The following RFX3 variants were observed in gnomAD, a reference collection of about 807,000 sequenced individuals.
The protein encoded by RFX3 is regulatory factor X3.
In RFX3, 14 loss-of-function variants were observed where a neutral mutation model predicts 98.6. The observed-to-expected ratio is 0.14, with a 90% CI of 0.09 to 0.22. The LOEUF (loss-of-function observed/expected upper bound fraction) is 0.22. RFX3 is among the 10% of genes least tolerant of loss of function. The probability of loss-of-function intolerance (pLI) is 1.00; values close to 1 mark genes in which losing one functional copy is unlikely to be tolerated. For missense variants in RFX3, 639 were observed against 926.9 expected, an observed-to-expected ratio of 0.69 and a Z score of 4.03; for synonymous variants, 383 against 328.4, an observed-to-expected ratio of 1.17 and a Z score of -1.80.
intron 1 of RFX3, among the ~76,000 whole-genome samples, chr9:3,411,537 C>T (rs180672411): frequency 1.3e-5 from 2 of 151,812 alleles, no homozygotes; most frequent in African/African-American, 4.8e-5. Context: ...TTAGTAGAGA[C>T]AGGGTTTCAG....
At chr9:3,264,869 A>G (rs1823408690) in intron 12 of RFX3, among the ~76,000 whole-genome samples, 1 of 152,230 alleles carries the variant, frequency 6.6e-6, no homozygotes, top group South Asian at 2.1e-4. Context: ...GAGATGGCCA[A>G]CGTTGCAATT....
chr9:3,432,239 A>G (rs1844718812), intron 1 of RFX3, among the ~76,000 whole-genome samples: 2 of 152,172 alleles, frequency 1.3e-5, no homozygotes, highest in South Asian at 4.1e-4. Flanking sequence ...CCAGAACCCC[A>G]TGAGTTCAGT....
Position 3,220,640 on chromosome 9 carries a change from C to CT in RFX3, c.*4401_*4402insA, listed in dbSNP as rs1021277007. 1.3e-5 allele frequency: 2 copies of CT among 151,308 alleles called. No individual in the cohort carries two copies. The highest frequency in any genetic ancestry group is 3.0e-5 in the Non-Finnish European group (2 of 67,724). 9.4% of individuals were successfully genotyped at this position (151,308 alleles called of 1,614,324 possible). ...GTGGAAACACTTTCTCTTCCTACCC[C>CT]CCCCTTTAAAAAAACAGCATAATTA... On this transcript the variant is annotated 3_prime_UTR_variant, in exon 17 of 17. Coordinates refer to ENST00000617270, the MANE Select transcript of RFX3 (RefSeq NM_001282116.2).
At chr9:3,501,993 T>A (rs2133665752) in intron 1 of RFX3, among the ~76,000 whole-genome samples, 1 of 152,048 alleles carries the variant, frequency 6.6e-6, no homozygotes, top group East Asian at 1.9e-4. Flanking sequence ...GGCTCACGCC[T>A]GTAATCCCAG....
chr9:3,340,319 A>G (rs1191677297), intron 3 of RFX3, among the ~76,000 whole-genome samples: 1 of 152,208 alleles, frequency 6.6e-6, no homozygotes, highest in African/African-American at 2.4e-5. Context: ...AACCTGGGCA[A>G]TACCATTCAG....
chr9:3,329,159 C>A (rs1016888645), intron 4 of RFX3, among the ~76,000 whole-genome samples: 1 of 152,066 alleles, frequency 6.6e-6, no homozygotes, highest in Admixed American at 6.5e-5. Flanking sequence ...GTAATCCCAG[C>A]ACTTTGGGAG....
At chr9:3,380,171 C>G (rs990473331) in intron 2 of RFX3, among the ~76,000 whole-genome samples, 2 of 152,116 alleles carry the variant, frequency 1.3e-5, no homozygotes, top group African/African-American at 4.8e-5. Context: ...AGGTGATCCA[C>G]CAGCCTCAGC....
intron 1 of RFX3, among the ~76,000 whole-genome samples, chr9:3,495,259 G>A (rs1031722555): frequency 6.6e-6 from 1 of 151,922 alleles, no homozygotes; most frequent in Non-Finnish European, 1.5e-5. Flanking sequence ...TGAAGCTAAT[G>A]TATGAATCGT....
At chr9:3,387,057 T>C (rs1480806569) in intron 2 of RFX3, among the ~76,000 whole-genome samples, 2 of 152,152 alleles carry the variant, frequency 1.3e-5, no homozygotes, top group African/African-American at 2.4e-5. Context: ...TTTCATGCTT[T>C]CCTTTACCAG....
chr9:3,506,209 T>G (rs1373321411), intron 1 of RFX3, among the ~76,000 whole-genome samples: 2 of 151,448 alleles, frequency 1.3e-5, no homozygotes, highest in African/African-American at 4.9e-5. Flanking sequence ...ACAACTGTTT[T>G]TTTTTTTTTA....
At chr9:3,415,192 C>CAT (rs560950256) in intron 1 of RFX3, among the ~76,000 whole-genome samples, 4,246 of 129,902 alleles carry the variant, frequency 0.033, 194 homozygotes, top group African/African-American at 0.11. Context: ...TACACATACT[C>CAT]ATATATATAT....
chr9:3,428,451 AC>A (rs1844326544), intron 1 of RFX3, among the ~76,000 whole-genome samples: 1 of 152,270 alleles, frequency 6.6e-6, no homozygotes, highest in African/African-American at 2.4e-5. Flanking sequence ...TTAAGTAAAA[AC>A]GTTTAAAATT....
chr9:3,454,349 G>A (rs941025038), intron 1 of RFX3, among the ~76,000 whole-genome samples: 10 of 152,100 alleles, frequency 6.6e-5, no homozygotes, highest in Non-Finnish European at 1.0e-4. Context: ...CTTCAGATAT[G>A]TATGTTCTAC....
At position 3,375,574 on chromosome 9, in the gene RFX3, AAAGTT is replaced by A. The variant is rs1397180267; in HGVS notation, c.117+19893_117+19897del. On this transcript the variant is annotated intron_variant, in intron 2 of 16. Transcript: ENST00000617270. ...TCACTTATGTTACTTTTTCATTATT[AAAGTT>A]ATTTTATTCTTGCTTTCCTTGGTTT... Among the ~76,000 whole-genome samples, 24 of 152,224 alleles carry A rather than the reference AAAGTT, an allele frequency of 1.6e-4. 1 individual carries two copies. Among genetic ancestry groups the A allele is most frequent in the Non-Finnish European group, 3.1e-4 (21 of 68,014 alleles).
At position 3,345,028 on chromosome 9, in the gene RFX3, C is replaced by G. The variant is rs1418771360; in HGVS notation, c.215+1639G>C. Reference sequence around the variant, plus strand: ...TGTAAATAAAACAAAATGCCAAGTTCGCATTCAGGGAGAGTTCTTCCTACT... The same window carrying G: ...TGTAAATAAAACAAAATGCCAAGTTGGCATTCAGGGAGAGTTCTTCCTACT... On this transcript the variant is annotated intron_variant, in intron 3 of 16. Transcript: ENST00000617270. The G allele has an allele frequency of 5.3e-6, 3 of 567,840 alleles. No individual in the cohort carries two copies. In the African/African-American group the frequency reaches 5.9e-5, roughly 11 times the overall value. The allele number at this position is 567,840 out of a possible 1,614,324, so 35.2% of individuals were successfully genotyped here.
chr9:3,497,936 T>G (rs2133600283), intron 1 of RFX3, among the ~76,000 whole-genome samples: 1 of 152,146 alleles, frequency 6.6e-6, no homozygotes, highest in Middle Eastern at 3.4e-3. Context: ...CCGTCTTTAC[T>G]ATAACTGCCA....
chr9:3,475,294 CAA>C (rs916359763), intron 1 of RFX3, among the ~76,000 whole-genome samples: 13 of 151,712 alleles, frequency 8.6e-5, no homozygotes, highest in African/African-American at 3.2e-4. Context: ...AGACACAAGA[CAA>C]AGAGATAAAA....
intron 4 of RFX3, among the ~76,000 whole-genome samples, chr9:3,326,698 G>C (rs1299973577): frequency 6.6e-6 from 1 of 152,132 alleles, no homozygotes; most frequent in African/African-American, 2.4e-5. Flanking sequence ...GTATTCCATG[G>C]TGTATATGTA....
At chr9:3,303,752 G>A (rs569087761) in intron 4 of RFX3, among the ~76,000 whole-genome samples, 4 of 152,070 alleles carry the variant, frequency 2.6e-5, no homozygotes, top group South Asian at 4.1e-4. Flanking sequence ...TTAGGAAATG[G>A]CCTTCTCATT....
Sources: allele counts gnomAD v4.1 joint callset (sites outside exome capture counted in the v4.1 genomes callset), GRCh38; gene constraint gnomAD v4.1.1; transcripts MANE v1.5; gene names NCBI Gene and HGNC (gene_info 2026-07-23, HGNC 2026-07-21).